Variants in PEAK3 observed in about 807,000 individuals in gnomAD.
PEAK3 encodes PEAK family member 3.
A neutral mutation model predicts 13.3 loss-of-function variants in PEAK3; 15 were observed. That is an observed-to-expected ratio of 1.13 (90% confidence interval 0.75 to 1.73). The LOEUF (loss-of-function observed/expected upper bound fraction) is 1.73. PEAK3 is among the 40% of genes most tolerant of loss of function. The pLI, the probability that PEAK3 is intolerant of heterozygous loss-of-function variation, is 0.00. For missense variants in PEAK3, 739 were observed against 690.2 expected, an observed-to-expected ratio of 1.07 and a Z score of -0.79; for synonymous variants, 347 against 341.9, an observed-to-expected ratio of 1.01 and a Z score of -0.17.
chr19:2,275,915 T>A lies in PEAK3; in HGVS notation c.1187A>T (p.Gln396Leu). Residue 396 changes from glutamine to leucine, a missense_variant, in exon 4 of 4, where the codon CAG (glutamine) becomes CTG (leucine). Transcript: ENST00000342063. Reference protein sequence around the residue: ...PSASRTRGALQALLWGPGPEL... With the variant: ...PSASRTRGALLALLWGPGPEL... ...AGGCCCGGGCCCCCAGAGCAGCGCC[T>A]GCAGCGCGCCCCGCGTCCGGGACGC... 7.3e-7 allele frequency: 1 copy of A among 1,376,248 alleles called. No homozygotes were observed. The highest frequency in any genetic ancestry group is 9.3e-7 in the Non-Finnish European group (1 of 1,072,522). The allele number at this position is 1,376,248 out of a possible 1,614,324, so 85.3% of individuals were successfully genotyped here. A position where few individuals can be genotyped will look rare whatever the true frequency, so the allele number is the denominator to read the frequency against.
Position 2,280,850 on chromosome 19 carries a change from C to A in PEAK3, c.82G>T (p.Gly28Cys). The A allele has an allele frequency of 6.2e-7, 1 of 1,607,384 alleles. No individual in the cohort carries two copies. Among genetic ancestry groups the A allele is most frequent in the African/African-American group, 1.3e-5 (1 of 74,412 alleles). ...CAGGGCTCCCTGGGGAGCTGCTTAC[C>A]AAGGTTGCTATACGTGGGCTGAGTC... Reference protein sequence around the residue: ...WSTQPTYSNLGQIRAHLLPSK... With the variant: ...WSTQPTYSNLCQIRAHLLPSK... Residue 28 changes from glycine to cysteine, a missense_variant and splice_region_variant, in exon 2 of 4, where the codon GGT becomes TGT. By Grantham distance (159) the Gly-to-Cys change is radical. Coordinates refer to ENST00000342063, the MANE Select transcript of PEAK3 (RefSeq NM_198532.3).
chr19:2,281,003 G>A, intron 1 of PEAK3, 68 bp from the exon 2 acceptor site: 1 of 1,041,458 alleles, frequency 9.6e-7, no homozygotes, highest in East Asian at 2.7e-5. Context: ...ATGGGGAGGG[G>A]TCCGTGAGTG....
chr19:2,276,401 C>T lies in PEAK3; in HGVS notation c.701G>A (p.Cys234Tyr). The T allele has an allele frequency of 6.3e-7, 1 of 1,599,968 alleles. No individual in the cohort carries two copies. Among genetic ancestry groups the T allele is most frequent in the Non-Finnish European group, 8.5e-7 (1 of 1,178,588 alleles). ...LSPHFNLQGL[C>Y]GLVPEGTLPG... ...CAGTGTGCCTTCAGGCACCAGGCCA[C>T]ACAGCCCCTGCAGATTGAAGTGTGG... The change falls in exon 4 of 4, where the codon TGT becomes TAT. Residue 234 changes from cysteine to tyrosine, a missense_variant. Physicochemically the swap from Cys to Tyr is radical, Grantham distance 194. Transcript: ENST00000342063.
At position 2,274,889 on chromosome 19, in the gene PEAK3, G is replaced by A. The variant is rs977939327; in HGVS notation, c.*791C>T. 3.7e-5 allele frequency: 5 copies of A among 134,484 alleles called. No individual in the cohort carries two copies. Among genetic ancestry groups the A allele is most frequent in the African/African-American group, 5.3e-5 (2 of 37,604 alleles). 8.3% of individuals were successfully genotyped at this position (134,484 alleles called of 1,614,324 possible). ...CGGGAGGCTGAGGCAGGAGAATGGCGTGAACCCGGGAGGCGGAGCTTGCAG... is the reference window on the plus strand; with the variant it reads ...CGGGAGGCTGAGGCAGGAGAATGGCATGAACCCGGGAGGCGGAGCTTGCAG... On this transcript the variant is annotated 3_prime_UTR_variant, in exon 4 of 4. Coordinates refer to ENST00000342063, the MANE Select transcript of PEAK3 (RefSeq NM_198532.3).
rs1182016548 is a variant in PEAK3, at chr19:2,275,946, G to C, written c.1156C>G (p.Pro386Ala). ...GCGCCCCGCGTCCGGGACGCCGAGG[G>C]CCGCAAGCGGGTCAGCTGTGCTGCC... is the stretch of plus-strand genomic sequence containing the variant. ...LLAAQLTRLR[P>A]SASRTRGALQ... Residue 386 changes from proline (P) to alanine (A), a missense_variant, in exon 4 of 4, where the codon CCC becomes GCC. Pro to Ala is a conservative substitution (Grantham distance 27, BLOSUM62 -1). Coordinates refer to ENST00000342063, the MANE Select transcript of PEAK3 (RefSeq NM_198532.3). 6 of 1,393,146 alleles carry C rather than the reference G, an allele frequency of 4.3e-6. No homozygotes were observed. The highest frequency in any genetic ancestry group is 4.6e-6 in the Non-Finnish European group (5 of 1,081,504). The allele number at this position is 1,393,146 out of a possible 1,614,324, so 86.3% of individuals were successfully genotyped here.
chr19:2,276,692 A>C (rs1346410764), intron 3 of PEAK3, among the ~76,000 whole-genome samples: 1 of 152,184 alleles, frequency 6.6e-6, no homozygotes, highest in Non-Finnish European at 1.5e-5. Flanking sequence ...CAGGAAAGTT[A>C]AGCCAGGGAA....
intron 3 of PEAK3, among the ~76,000 whole-genome samples, chr19:2,277,427 A>C (rs1258774677): frequency 6.6e-6 from 1 of 151,830 alleles, no homozygotes; most frequent in African/African-American, 2.4e-5. Context: ...CTCGCCTTCC[A>C]CTATGATTGG....
chr19:2,275,544 T>A lies in PEAK3; in HGVS notation c.*136A>T. The A allele has an allele frequency of 1.3e-6, 1 of 745,878 alleles. No individual in the cohort carries two copies. 46.2% of individuals were successfully genotyped at this position (745,878 alleles called of 1,614,324 possible). ...CAGCACGGGAGGGGAGGCTCTGGAG[T>A]GGGGCATTGCTCTCTCTGCTGCGCT... is the stretch of plus-strand genomic sequence containing the variant. On this transcript the variant is annotated 3_prime_UTR_variant, in exon 4 of 4. Transcript: ENST00000342063.
rs10420010 is a variant in PEAK3 at position 2,280,777 on chromosome 19, A to C, written c.82+73T>G. The C allele has an allele frequency of 5.6e-4, 603 of 1,072,780 alleles. 4 individuals are homozygous for C. The African/African-American group carries it at 0.011, about 20-fold the overall frequency. The allele number at this position is 1,072,780 out of a possible 1,614,324, so 66.5% of individuals were successfully genotyped here. A position where few individuals can be genotyped will look rare whatever the true frequency, so the allele number is the denominator to read the frequency against. On this transcript the variant is annotated intron_variant, in intron 2 of 3. Coordinates refer to ENST00000342063, the MANE Select transcript of PEAK3 (RefSeq NM_198532.3). ...CAACCTCCTGCCGCTCCCTGCACCC[A>C]CCTGCCGCTCCCTGCACCCCCCTGC...
At position 2,276,080 on chromosome 19, in the gene PEAK3, G is replaced by A. The variant is rs554334777; in HGVS notation, c.1022C>T (p.Pro341Leu). The stretch of plus-strand genomic sequence containing the variant: ...CGCGTGGGGGCCCGGGGATCCCGGG[G>A]GTCCAGGGGGCTGCAGACAGACGCG... ...FGRVCLQPPG[P>L]PGSPGPHAPQ... Residue 341 changes from proline (P) to leucine (L), a missense_variant, in exon 4 of 4, where the codon CCC becomes CTC. Physicochemically the swap from Pro to Leu is moderately conservative, Grantham distance 98. Coordinates refer to ENST00000342063, the MANE Select transcript of PEAK3 (RefSeq NM_198532.3). The A allele has an allele frequency of 2.8e-4, 406 of 1,470,702 alleles. 6 individuals carry two copies. In the South Asian group the frequency reaches 5.3e-3, roughly 19 times the overall value. The allele number at this position is 1,470,702 out of a possible 1,614,324, so 91.1% of individuals were successfully genotyped here. A position where few individuals can be genotyped will look rare whatever the true frequency, so the allele number is the denominator to read the frequency against.
intron 2 of PEAK3, among the ~76,000 whole-genome samples, chr19:2,279,928 AT>A (rs2025424722): frequency 1.4e-5 from 2 of 146,150 alleles, no homozygotes; most frequent in African/African-American, 5.1e-5. Flanking sequence ...TAATTTTTGT[AT>A]TTTTAGTAGA....
At chr19:2,279,747 C>T (rs62119705) in intron 2 of PEAK3, among the ~76,000 whole-genome samples, 87,607 of 151,488 alleles carry the variant, frequency 0.58, 26,572 homozygotes, top group Middle Eastern at 0.81. Context: ...TTTGCACAAG[C>T]GTCTGTCTTG....
At position 2,279,128 on chromosome 19, in the gene PEAK3, A is replaced by G; in HGVS notation, c.83-15T>C. 1.4e-6 allele frequency: 2 copies of G among 1,422,608 alleles called. No individual in the cohort carries two copies. Among genetic ancestry groups the G allele is most frequent in the South Asian group, 3.1e-5 (2 of 64,276 alleles). The allele number at this position is 1,422,608 out of a possible 1,614,324, so 88.1% of individuals were successfully genotyped here. A position where few individuals can be genotyped will look rare whatever the true frequency, so the allele number is the denominator to read the frequency against. On this transcript the variant is annotated splice_polypyrimidine_tract_variant and intron_variant, in intron 2 of 3. Coordinates refer to ENST00000342063, the MANE Select transcript of PEAK3 (RefSeq NM_198532.3). ...ACGGATCTGACCTGCAGGGAGAGAC[A>G]GTGGGGGAGGGTTGAGGACAGGCGG...
Position 2,276,446 on chromosome 19 carries a change from T to C in PEAK3, c.656A>G (p.Glu219Gly). 6.3e-7 allele frequency: 1 copy of C among 1,582,464 alleles called. No individual in the cohort carries two copies. The highest frequency in any genetic ancestry group is 8.6e-7 in the Non-Finnish European group (1 of 1,168,424). The change falls in exon 4 of 4, where the codon GAG (glutamate) becomes GGG (glycine). Residue 219 changes from glutamate (E) to glycine (G), a missense_variant. Physicochemically the swap from Glu to Gly is moderately conservative, Grantham distance 98. Coordinates refer to ENST00000342063, the MANE Select transcript of PEAK3 (RefSeq NM_198532.3). ...GADVPHPWGLELQASLSPHFN... is the reference protein window; with the variant it reads ...GADVPHPWGLGLQASLSPHFN... ...GTGTGGAGACAGGGAGGCCTGCAGC[T>C]CCAGGCCCCACGGGTGGGGCACGTC...
chr19:2,279,020 A>AG lies in PEAK3; in HGVS notation c.175dup (p.Leu59ProfsTer60). On this transcript the variant is annotated frameshift_variant, in exon 3 of 4. Transcript: ENST00000342063. LOFTEE classifies it high-confidence loss of function. ...GGTCCGGGTTAGGATCTTCTTGGGCAGGGGTGGGGGCAGGGGCTCTGGGTT... is the reference window on the plus strand; with the variant it reads ...GGTCCGGGTTAGGATCTTCTTGGGCAGGGGGTGGGGGCAGGGGCTCTGGGTT... 5.1e-6 allele frequency: 6 copies of AG among 1,168,314 alleles called. No individual in the cohort carries two copies. Among genetic ancestry groups the AG allele is most frequent in the South Asian group, 1.4e-5 (1 of 69,664 alleles). 72.4% of individuals were successfully genotyped at this position (1,168,314 alleles called of 1,614,324 possible). A position where few individuals can be genotyped will look rare whatever the true frequency, so the allele number is the denominator to read the frequency against.
rs761001304 is a variant in PEAK3, at chr19:2,278,599, G to A, written c.597C>T (p.His199=). The change falls in exon 3 of 4, where the codon CAC becomes CAT. Residue 199 remains histidine (H), a synonymous_variant. Transcript: ENST00000342063. ...RVVRAHEDAW[H]ILVAKVPKPG... ...TGGGGCTCACCTTGGCGACCAGGAT[G>A]TGCCAGGCGTCCTCGTGCGCGCGCA... 6.7e-7 allele frequency: 1 copy of A among 1,484,450 alleles called. No individual in the cohort carries two copies. Among genetic ancestry groups the A allele is most frequent in the Admixed American group, 2.4e-5 (1 of 42,414 alleles). 92.0% of individuals were successfully genotyped at this position (1,484,450 alleles called of 1,614,324 possible).
At position 2,274,942 on chromosome 19, in the gene PEAK3, A is replaced by G. The variant is rs1393817828; in HGVS notation, c.*738T>C. On this transcript the variant is annotated 3_prime_UTR_variant, in exon 4 of 4. Coordinates refer to ENST00000342063, the MANE Select transcript of PEAK3 (RefSeq NM_198532.3). ...AGCCGAGATCGTCTCAAAAAAAAAA[A>G]AAAAAAAAAAAGAAAAAGAAAGTGG... 1 of 141,748 alleles carries G rather than the reference A, an allele frequency of 7.1e-6. No homozygotes were observed. Among genetic ancestry groups the G allele is most frequent in the African/African-American group, 2.6e-5 (1 of 38,216 alleles). 8.8% of individuals were successfully genotyped at this position (141,748 alleles called of 1,614,324 possible).
chr19:2,277,740 A>G (rs1364026785), intron 3 of PEAK3, among the ~76,000 whole-genome samples: 1 of 142,348 alleles, frequency 7.0e-6, no homozygotes, highest in African/African-American at 2.6e-5. Flanking sequence ...TAATTTTTGT[A>G]TTTTTAGTAG....
Position 2,279,049 on chromosome 19 carries a change from G to A in PEAK3, c.147C>T (p.Ser49=). 6.7e-7 allele frequency: 1 copy of A among 1,503,362 alleles called. No homozygotes were observed. Among genetic ancestry groups the A allele is most frequent in the South Asian group, 1.3e-5 (1 of 76,084 alleles). The allele number at this position is 1,503,362 out of a possible 1,614,324, so 93.1% of individuals were successfully genotyped here. A position where few individuals can be genotyped will look rare whatever the true frequency, so the allele number is the denominator to read the frequency against. Residue 49 remains serine, a synonymous_variant, in exon 3 of 4, where the codon TCC becomes TCT. Coordinates refer to ENST00000342063, the MANE Select transcript of PEAK3 (RefSeq NM_198532.3). ...ACRLRTPGSL[S]TNPEPLPPPL... The stretch of plus-strand genomic sequence containing the variant: ...GTGGGGGCAGGGGCTCTGGGTTGGT[G>A]GAGAGGGACCCAGGGGTCCGGAGGC...
Sources: allele counts gnomAD v4.1 joint callset (sites outside exome capture counted in the v4.1 genomes callset), GRCh38; gene constraint gnomAD v4.1.1; transcripts MANE v1.5; gene names NCBI Gene and HGNC (gene_info 2026-07-23, HGNC 2026-07-21).